ARK2C: variants seen among roughly 807,000 people sequenced by gnomAD.
ARK2C encodes the protein arkadia (RNF111) C-terminal like ring finger ubiquitin ligase 2C, also known as E3 ubiquitin-protein ligase ARK2C.
At chr18:46,395,777 T>C in the ARK2C span, among the ~76,000 whole-genome samples, 1 of 152,262 alleles carries the variant, frequency 6.6e-6, no homozygotes, top group East Asian at 1.9e-4. Context: ...AATGCAAGGG[T>C]CTCAACCTAA....
the ARK2C span, among the ~76,000 whole-genome samples, chr18:46,408,723 A>T: frequency 6.6e-6 from 1 of 152,212 alleles, no homozygotes; most frequent in East Asian, 1.9e-4. Context: ...CATCCTTAGA[A>T]CACACCAGCC....
chr18:46,383,754 C>G, the ARK2C span, among the ~76,000 whole-genome samples: 1 of 151,966 alleles, frequency 6.6e-6, no homozygotes, highest in South Asian at 2.1e-4. Flanking sequence ...CGGGGTTTCA[C>G]CGTGTTGGCC....
chr18:46,455,991 C>A, the ARK2C span: 1 of 1,612,254 alleles, frequency 6.2e-7, no homozygotes, highest in South Asian at 1.1e-5. Context: ...CCCAGGATGG[C>A]AAGGGCAAGA....
At chr18:46,372,700 G>A in the ARK2C span, among the ~76,000 whole-genome samples, 1 of 152,214 alleles carries the variant, frequency 6.6e-6, no homozygotes, top group Admixed American at 6.5e-5. Context: ...GAGCCTTCTC[G>A]GGCTCTGGCT....
At chr18:46,355,694 C>T in the ARK2C span, among the ~76,000 whole-genome samples, 2 of 151,804 alleles carry the variant, frequency 1.3e-5, no homozygotes, top group African/African-American at 4.8e-5. Flanking sequence ...TGCCCCTGAA[C>T]TCAGTGCCTG....
At chr18:46,396,331 C>T in the ARK2C span, among the ~76,000 whole-genome samples, 1 of 152,178 alleles carries the variant, frequency 6.6e-6, no homozygotes, top group African/African-American at 2.4e-5. Context: ...ATCTGGTCTT[C>T]TGGCTCAGTT....
the ARK2C span, among the ~76,000 whole-genome samples, chr18:46,382,384 C>G: frequency 1.3e-5 from 2 of 152,202 alleles, no homozygotes; most frequent in African/African-American, 4.8e-5. Context: ...CTGGGTTGGT[C>G]CTGGCTGGGT....
At chr18:46,407,509 CGTT>C in the ARK2C span, among the ~76,000 whole-genome samples, 2 of 152,192 alleles carry the variant, frequency 1.3e-5, no homozygotes, top group Non-Finnish European at 2.9e-5. Context: ...AGCCTGTTGA[CGTT>C]CTTCCTTGTA....
At chr18:46,435,385 G>A in the ARK2C span, 1 of 1,613,660 alleles carries the variant, frequency 6.2e-7, no homozygotes, top group Admixed American at 1.7e-5. Flanking sequence ...ATTTGGCTGA[G>A]GGCACTGACT....
the ARK2C span, among the ~76,000 whole-genome samples, chr18:46,361,778 T>C: frequency 4.4e-4 from 67 of 152,300 alleles, no homozygotes; most frequent in East Asian, 3.1e-3. Context: ...TCACCACCCA[T>C]TGTTGCTGGC....
the ARK2C span, among the ~76,000 whole-genome samples, chr18:46,385,460 G>A: frequency 6.6e-6 from 1 of 152,338 alleles, no homozygotes; most frequent in South Asian, 2.1e-4. Flanking sequence ...GGATGTCCAG[G>A]TTGAAACCCA....
chr18:46,433,484 G>A, the ARK2C span: 8 of 1,609,538 alleles, frequency 5.0e-6, no homozygotes, highest in Non-Finnish European at 5.9e-6. Context: ...GCCCAGCACC[G>A]CAGGCTGGTC....
At chr18:46,417,757 A>T in the ARK2C span, among the ~76,000 whole-genome samples, 1 of 152,208 alleles carries the variant, frequency 6.6e-6, no homozygotes, top group Non-Finnish European at 1.5e-5. Flanking sequence ...AAATCCCAGC[A>T]CTTTGAGAGG....
At chr18:46,454,715 T>G in the ARK2C span, among the ~76,000 whole-genome samples, 1 of 152,238 alleles carries the variant, frequency 6.6e-6, no homozygotes, top group Non-Finnish European at 1.5e-5. Flanking sequence ...CTTCAGATTT[T>G]TCTCTTTGCA....
chr18:46,442,402 CT>C, the ARK2C span, among the ~76,000 whole-genome samples: 1 of 152,060 alleles, frequency 6.6e-6, no homozygotes, highest in Non-Finnish European at 1.5e-5. Context: ...ATTATGAATT[CT>C]TTTTGACCCT....
At chr18:46,416,197 G>A in the ARK2C span, among the ~76,000 whole-genome samples, 1 of 152,190 alleles carries the variant, frequency 6.6e-6, no homozygotes, top group Non-Finnish European at 1.5e-5. Context: ...GAAACACACG[G>A]ATCTGCAGGA....
chr18:46,428,139 A>G, the ARK2C span, among the ~76,000 whole-genome samples: 26 of 151,926 alleles, frequency 1.7e-4, no homozygotes, highest in East Asian at 1.4e-3. Context: ...GGCCGGGCGC[A>G]GTGGCTCACG....
the ARK2C span, among the ~76,000 whole-genome samples, chr18:46,411,465 A>G: frequency 6.6e-6 from 1 of 152,200 alleles, no homozygotes; most frequent in African/African-American, 2.4e-5. Flanking sequence ...GCATGGAGCC[A>G]TTTGCATTTT....
At chr18:46,371,726 C>A in the ARK2C span, among the ~76,000 whole-genome samples, 1 of 152,136 alleles carries the variant, frequency 6.6e-6, no homozygotes, top group Non-Finnish European at 1.5e-5. Flanking sequence ...GCTTCAGGTG[C>A]GCTTTCTTCC....
Sources: gnomAD v4.1 joint callset for allele counts (sites outside exome capture counted in the v4.1 genomes callset) on GRCh38, gnomAD v4.1.1 for gene constraint, MANE v1.5 for transcripts, NCBI Gene and HGNC (gene_info 2026-07-23, HGNC 2026-07-21) for gene names.